The following POTEF variants were observed in gnomAD, a reference collection of about 807,000 sequenced individuals.
The protein encoded by POTEF is ANKRD26-like family C member 1B.
A neutral mutation model predicts 83.2 loss-of-function variants in POTEF; 20 were observed. That is an observed-to-expected ratio of 0.24 (90% confidence interval 0.17 to 0.35). The LOEUF (loss-of-function observed/expected upper bound fraction) is 0.35. Ranked by LOEUF, POTEF falls within the 10% of genes least tolerant of loss-of-function variation. The pLI is 1.00. For synonymous variants in POTEF, 196 were observed against 446.4 expected, an observed-to-expected ratio of 0.44 and a Z score of 7.07; for missense variants, 550 against 1,203.2, an observed-to-expected ratio of 0.46 and a Z score of 8.03.
intron 3 of POTEF, among the ~76,000 whole-genome samples, chr2:130,118,442 A>G (rs1333379980): frequency 9.9e-6 from 1 of 100,592 alleles, no homozygotes; most frequent in Non-Finnish European, 2.6e-5. Context: ...CACGCCTGTA[A>G]CCCCAGCACT....
At chr2:130,117,445 T>G (rs1684871601) in intron 3 of POTEF, among the ~76,000 whole-genome samples, 1 of 151,794 alleles carries the variant, frequency 6.6e-6, no homozygotes, top group Admixed American at 6.6e-5. Flanking sequence ...ATTGCAGAAA[T>G]CACAGATAAG....
intron 3 of POTEF, among the ~76,000 whole-genome samples, chr2:130,115,932 C>G (rs1403023394): frequency 1.3e-5 from 2 of 151,988 alleles, no homozygotes; most frequent in African/African-American, 4.8e-5. Context: ...TCATGATTTA[C>G]TATAATTGGC....
intron 5 of POTEF, among the ~76,000 whole-genome samples, chr2:130,113,706 G>A (rs1684770624): frequency 6.7e-6 from 1 of 149,088 alleles, no homozygotes; most frequent in African/African-American, 2.5e-5. Context: ...GGCTTTATTA[G>A]ACTTACTGTA....
intron 2 of POTEF, among the ~76,000 whole-genome samples, chr2:130,121,134 C>CGCGTGCG (rs1684994420): frequency 6.6e-6 from 1 of 151,558 alleles, no homozygotes; most frequent in Admixed American, 6.6e-5. Context: ...CGTGCGCGTG[C>CGCGTGCG]GCGTGCGGCG....
chr2:130,128,354 G>C (rs1372811465), intron 1 of POTEF, among the ~76,000 whole-genome samples: 1 of 151,970 alleles, frequency 6.6e-6, no homozygotes, highest in African/African-American at 2.4e-5. Flanking sequence ...TCTGGAGTCT[G>C]GAAAAGAGAA....
intron 8 of POTEF, among the ~76,000 whole-genome samples, chr2:130,102,918 C>A (rs1162915252): frequency 1.3e-5 from 2 of 151,416 alleles, no homozygotes; most frequent in Non-Finnish European, 2.9e-5. Flanking sequence ...TGTTGCGAAC[C>A]TAAATGAAAT....
intron 5 of POTEF, among the ~76,000 whole-genome samples, chr2:130,113,234 A>C (rs1255956084): frequency 1.6e-5 from 2 of 123,420 alleles, no homozygotes; most frequent in Admixed American, 8.9e-5. Flanking sequence ...AAAAAAAAAA[A>C]AAAAACTGAG....
At position 130,075,040 on chromosome 2, in the gene POTEF, T is replaced by C; in HGVS notation, c.2432A>G (p.Asn811Ser). ...CATCTTCTCGCGGTTGGCCTTAGGG[T>C]TCAGGGTGGCCTCGGTCAGCAGGAC... ...HPVLLTEATL[N>S]PKANREKMTQ... Residue 811 changes from asparagine (N) to serine (S), a missense_variant, in exon 17 of 17, where the codon AAC (asparagine) becomes AGC (serine). By Grantham distance (46) the Asn-to-Ser change is conservative. Coordinates refer to ENST00000409914, the MANE Select transcript of POTEF (RefSeq NM_001099771.2). The C allele has an allele frequency of 6.2e-7, 1 of 1,613,632 alleles. No individual in the cohort carries two copies. The highest frequency in any genetic ancestry group is 8.5e-7 in the Non-Finnish European group (1 of 1,179,918).
intron 2 of POTEF, among the ~76,000 whole-genome samples, chr2:130,126,540 T>G (rs1573620154): frequency 6.6e-6 from 1 of 152,242 alleles, no homozygotes; most frequent in African/African-American, 2.4e-5. Flanking sequence ...TGCCAGAGGC[T>G]GCAATTTTTT....
intron 2 of POTEF, among the ~76,000 whole-genome samples, chr2:130,126,250 C>T (rs1685087876): frequency 7.4e-6 from 1 of 135,976 alleles, no homozygotes; most frequent in Admixed American, 8.4e-5. Context: ...TTGCAGTGAG[C>T]CGAGATCGCC....
chr2:130,105,083 ATC>A (rs1684482442), intron 8 of POTEF, among the ~76,000 whole-genome samples: 1 of 147,514 alleles, frequency 6.8e-6, no homozygotes, highest in African/African-American at 2.6e-5. Context: ...CCTGGAAATT[ATC>A]TGACATTTCT....
chr2:130,103,268 A>G (rs1329616243), intron 8 of POTEF, among the ~76,000 whole-genome samples: 1 of 149,574 alleles, frequency 6.7e-6, no homozygotes, highest in African/African-American at 2.5e-5. Flanking sequence ...ATGCCCAGCT[A>G]ATTTTCGTGT....
intron 8 of POTEF, among the ~76,000 whole-genome samples, chr2:130,106,262 G>A (rs1684525353): frequency 6.6e-6 from 1 of 150,442 alleles, no homozygotes; most frequent in South Asian, 2.1e-4. Context: ...GCAGTCCAAA[G>A]CATTCTACCC....
chr2:130,085,386 G>A (rs1573594027), intron 15 of POTEF, among the ~76,000 whole-genome samples: 3 of 147,654 alleles, frequency 2.0e-5, no homozygotes, highest in East Asian at 4.0e-4. Context: ...ACACAAAGAG[G>A]AGAATAACAT....
chr2:130,122,334 CAT>C (rs751643578), intron 2 of POTEF, among the ~76,000 whole-genome samples: 4 of 148,850 alleles, frequency 2.7e-5, no homozygotes, highest in African/African-American at 1.0e-4. Context: ...TTTACTGAGT[CAT>C]GTGGTAATTC....
At chr2:130,122,114 T>A (rs1240115177) in intron 2 of POTEF, among the ~76,000 whole-genome samples, 1 of 147,516 alleles carries the variant, frequency 6.8e-6, no homozygotes, top group Non-Finnish European at 1.5e-5. Flanking sequence ...ATTTATCATG[T>A]TTTCAATGTT....
At chr2:130,093,050 T>C (rs1372395233) in intron 12 of POTEF, among the ~76,000 whole-genome samples, 15 of 144,024 alleles carry the variant, frequency 1.0e-4, no homozygotes, top group Non-Finnish European at 1.8e-4. Context: ...GTCAGATCAG[T>C]GATAGCATTA....
intron 6 of POTEF, among the ~76,000 whole-genome samples, chr2:130,111,092 A>G (rs1034584321): frequency 6.8e-6 from 1 of 147,098 alleles, no homozygotes; most frequent in African/African-American, 2.7e-5. Flanking sequence ...TAATAATGGT[A>G]AGAATAGTAG....
At chr2:130,122,784 A>G (rs1045633639) in intron 2 of POTEF, among the ~76,000 whole-genome samples, 6 of 151,090 alleles carry the variant, frequency 4.0e-5, no homozygotes, top group Admixed American at 2.6e-4. Context: ...ATTTACTTAT[A>G]TATTTGTTTT....
Sources: allele counts gnomAD v4.1 joint callset (sites outside exome capture counted in the v4.1 genomes callset), GRCh38; gene constraint gnomAD v4.1.1; transcripts MANE v1.5; gene names NCBI Gene and HGNC (gene_info 2026-07-23, HGNC 2026-07-21).